COA1: variants seen among roughly 807,000 people sequenced by gnomAD.
COA1 encodes cytochrome c oxidase assembly factor 1, also known as cytochrome c oxidase assembly factor 1 homolog.
A neutral mutation model predicts 16.0 loss-of-function variants in COA1; 13 were observed. The observed-to-expected ratio is 0.81, with a 90% CI of 0.53 to 1.29. The LOEUF is 1.29. Ranked by LOEUF, COA1 falls within the 50% of genes most tolerant of loss-of-function variation. The pLI, the probability that COA1 is intolerant of heterozygous loss-of-function variation, is 0.00. For synonymous variants in COA1, 65 were observed against 65.7 expected (o/e 0.99, Z 0.05); for missense variants, 179 against 177.0 (o/e 1.01, Z -0.06).
At chr7:43,725,431 T>C (rs1036742750) in intron 1 of COA1, among the ~76,000 whole-genome samples, 5 of 152,154 alleles carry the variant, frequency 3.3e-5, no homozygotes, top group Non-Finnish European at 4.4e-5. Context: ...AAACACACAG[T>C]TCTAACTGGA....
At position 43,691,273 on chromosome 7, in the gene COA1, G is replaced by GAAAAGAAAAGAAAAGA. The variant is rs202059399; in HGVS notation, c.-39+38155_-39+38156insTCTTTTCTTTTCTTTT. Among the ~76,000 whole-genome samples, 58 of 29,880 alleles carry GAAAAGAAAAGAAAAGA rather than the reference G, an allele frequency of 1.9e-3. 3 individuals are homozygous for GAAAAGAAAAGAAAAGA. Among genetic ancestry groups the GAAAAGAAAAGAAAAGA allele is most frequent in the Non-Finnish European group, 1.7e-3 (29 of 16,690 alleles). The allele number at this position is 29,880 out of a possible 152,430, so 19.6% of individuals were successfully genotyped here. ...CAAAAAAAGAAAGAAAGAAAAGAAA[G>GAAAAGAAAAGAAAAGA]AAAGAAAGAAAGAAAGAAAGAAAGA... On this transcript the variant is annotated intron_variant, in intron 1 of 5. Transcript: ENST00000223336.
intron 1 of COA1, among the ~76,000 whole-genome samples, chr7:43,687,719 C>T (rs535357933): frequency 6.6e-6 from 1 of 152,120 alleles, no homozygotes; most frequent in East Asian, 1.9e-4. Context: ...ATAGTTCCAA[C>T]ATATCATGCA....
chr7:43,628,311 G>A (rs970323351), intron 6 of COA1, among the ~76,000 whole-genome samples: 3 of 146,808 alleles, frequency 2.0e-5, no homozygotes, highest in Admixed American at 6.7e-5. Flanking sequence ...CCTTTTTATT[G>A]TTGTGTCGTG....
At chr7:43,664,899 T>A (rs926520792) in intron 1 of COA1, among the ~76,000 whole-genome samples, 3 of 152,240 alleles carry the variant, frequency 2.0e-5, no homozygotes, top group African/African-American at 7.2e-5. Flanking sequence ...CTGCTTACAT[T>A]TCCTTTATGT....
intron 1 of COA1, among the ~76,000 whole-genome samples, chr7:43,661,441 C>T (rs1353876311): frequency 6.6e-6 from 1 of 152,188 alleles, no homozygotes; most frequent in Non-Finnish European, 1.5e-5. Context: ...CTAAACCATT[C>T]TGGCTAACAC....
chr7:43,704,165 T>C (rs534569179), intron 1 of COA1, among the ~76,000 whole-genome samples: 25 of 152,370 alleles, frequency 1.6e-4, no homozygotes, highest in Middle Eastern at 3.4e-3. Flanking sequence ...GTAAGGTTTC[T>C]GCTGAAAGGC....
chr7:43,729,164 A>G (rs2095687097), intron 1 of COA1, among the ~76,000 whole-genome samples: 1 of 152,210 alleles, frequency 6.6e-6, no homozygotes, highest in African/African-American at 2.4e-5. Flanking sequence ...GGGGATGGTC[A>G]GCAAAAACTG....
At chr7:43,631,888 T>C (rs922000837) in intron 6 of COA1, 2 of 152,216 alleles carry the variant, frequency 1.3e-5, no homozygotes, top group African/African-American at 4.8e-5. Context: ...AGCAGTGTTA[T>C]GCCTAAAAAT....
chr7:43,629,820 C>A (rs553531171), intron 6 of COA1, among the ~76,000 whole-genome samples: 1 of 152,348 alleles, frequency 6.6e-6, no homozygotes, highest in South Asian at 2.1e-4. Context: ...AGGACAGAAT[C>A]ATTCAGATTT....
intron 6 of COA1, among the ~76,000 whole-genome samples, chr7:43,610,696 G>C (rs542450584): frequency 1.1e-4 from 16 of 152,114 alleles, no homozygotes; most frequent in Non-Finnish European, 8.8e-5. Context: ...GGCACATTCC[G>C]TAATACCTTT....
intron 1 of COA1, among the ~76,000 whole-genome samples, chr7:43,673,258 T>A (rs1016956199): frequency 5.9e-5 from 9 of 152,146 alleles, no homozygotes; most frequent in Admixed American, 5.9e-4. Context: ...AAATTATGCA[T>A]CCAACAACGG....
intron 1 of COA1, among the ~76,000 whole-genome samples, chr7:43,717,697 G>T (rs981670598): frequency 1.3e-5 from 2 of 152,286 alleles, no homozygotes; most frequent in Middle Eastern, 3.4e-3. Flanking sequence ...AGGGGCCGGG[G>T]GGGGAACAAT....
chr7:43,623,931 A>T, intron 6 of COA1: 2 of 1,292,834 alleles, frequency 1.5e-6, no homozygotes, highest in Non-Finnish European at 2.0e-6. Flanking sequence ...CTAATTCAAT[A>T]TTAAAAAATT....
intron 1 of COA1, among the ~76,000 whole-genome samples, chr7:43,687,859 T>G (rs920148435): frequency 6.6e-6 from 1 of 152,164 alleles, no homozygotes; most frequent in African/African-American, 2.4e-5. Context: ...GGTTTGGCTG[T>G]GTCCCCACCC....
intron 1 of COA1, among the ~76,000 whole-genome samples, chr7:43,657,016 G>T (rs1197585251): frequency 1.3e-5 from 2 of 152,050 alleles, no homozygotes; most frequent in Non-Finnish European, 2.9e-5. Context: ...GCAACACAGT[G>T]AGACCCTATC....
chr7:43,685,730 A>C (rs1047577538), intron 1 of COA1, among the ~76,000 whole-genome samples: 1 of 152,158 alleles, frequency 6.6e-6, no homozygotes, highest in Non-Finnish European at 1.5e-5. Context: ...CAAGGTACAA[A>C]CTGTCTCACC....
intron 6 of COA1, chr7:43,625,436 C>T (rs1051812631): frequency 7.2e-5 from 11 of 152,162 alleles, no homozygotes; most frequent in Non-Finnish European, 1.3e-4. Context: ...ATACTAGTAA[C>T]ATATCAGTGA....
At chr7:43,630,178 A>AC (rs1181830811) in intron 6 of COA1, among the ~76,000 whole-genome samples, 1 of 151,970 alleles carries the variant, frequency 6.6e-6, no homozygotes, top group Non-Finnish European at 1.5e-5. Flanking sequence ...AAGTTTGCCA[A>AC]CCCCCAGGCA....
chr7:43,719,754 C>A (rs2095469370), intron 1 of COA1, among the ~76,000 whole-genome samples: 1 of 152,154 alleles, frequency 6.6e-6, no homozygotes, highest in Non-Finnish European at 1.5e-5. Flanking sequence ...GCCTTGTTTT[C>A]ATTACCTGAA....
Sources: allele counts gnomAD v4.1 joint callset (sites outside exome capture counted in the v4.1 genomes callset), GRCh38; gene constraint gnomAD v4.1.1; transcripts MANE v1.5; gene names NCBI Gene and HGNC (gene_info 2026-07-23, HGNC 2026-07-21).